Variants in CDH13 observed in about 807,000 individuals in gnomAD.
CDH13 encodes cadherin-13.
Under a neutral mutation model 63.8 loss-of-function variants are expected in CDH13, and 24 were observed. That is an observed-to-expected ratio of 0.38 (90% CI 0.27 to 0.53). CDH13 has a LOEUF of 0.53. Among genes scored for constraint, CDH13 ranks in the 20% least tolerant of loss-of-function variants. The pLI is 0.85. For missense variants in CDH13, 1,049 were observed against 903.1 expected (o/e 1.16, Z -2.07); for synonymous variants, 503 against 355.3 (o/e 1.42, Z -4.67).
intron 5 of CDH13, among the ~76,000 whole-genome samples, chr16:83,270,148 C>A (rs1360714438): frequency 1.3e-5 from 2 of 152,142 alleles, no homozygotes; most frequent in African/African-American, 2.4e-5. Flanking sequence ...TCTTTATACA[C>A]TGTTACACAG....
At chr16:82,857,810 G>A (rs1025489798) in intron 1 of CDH13, among the ~76,000 whole-genome samples, 11 of 152,078 alleles carry the variant, frequency 7.2e-5, no homozygotes, top group African/African-American at 2.4e-4. Context: ...GAAATCCAGT[G>A]TGTATTTTAT....
intron 1 of CDH13, among the ~76,000 whole-genome samples, chr16:82,717,571 C>T (rs1204061310): frequency 1.3e-5 from 2 of 152,072 alleles, no homozygotes; most frequent in East Asian, 3.9e-4. Flanking sequence ...CTTTTAGATC[C>T]TGGTGGTTCC....
intron 2 of CDH13, among the ~76,000 whole-genome samples, chr16:82,897,641 C>A (rs936413289): frequency 2.0e-5 from 3 of 152,250 alleles, no homozygotes; most frequent in Admixed American, 6.5e-5. Flanking sequence ...GCTCTGTCTT[C>A]TGAAGTTGAC....
intron 5 of CDH13, among the ~76,000 whole-genome samples, chr16:83,330,790 T>A (rs1293574083): frequency 1.3e-5 from 2 of 152,170 alleles, no homozygotes; most frequent in Non-Finnish European, 2.9e-5. Flanking sequence ...ACAGGGGACT[T>A]GGTCACATGA....
chr16:82,785,782 G>A (rs956601499), intron 1 of CDH13, among the ~76,000 whole-genome samples: 3 of 152,124 alleles, frequency 2.0e-5, no homozygotes, highest in South Asian at 2.1e-4. Context: ...ATAAAGTCGC[G>A]GTACCGCAAA....
At chr16:82,932,499 G>C (rs2042531773) in intron 2 of CDH13, among the ~76,000 whole-genome samples, 1 of 152,148 alleles carries the variant, frequency 6.6e-6, no homozygotes, top group Non-Finnish European at 1.5e-5. Context: ...ATAGAGGATA[G>C]GTCATTGCTA....
intron 7 of CDH13, among the ~76,000 whole-genome samples, chr16:83,544,734 C>G (rs1308052539): frequency 2.6e-5 from 4 of 152,180 alleles, no homozygotes; most frequent in Non-Finnish European, 5.9e-5. Context: ...GTCAGGGACT[C>G]TCTCTAGCTG....
At chr16:83,383,033 TTTAA>T (rs1357951830) in intron 6 of CDH13, 4 of 152,250 alleles carry the variant, frequency 2.6e-5, no homozygotes, top group Non-Finnish European at 5.9e-5. Flanking sequence ...ACACATTGCA[TTTAA>T]TTGTCACATC....
At chr16:83,403,095 C>T (rs1407756182) in intron 6 of CDH13, among the ~76,000 whole-genome samples, 1 of 152,184 alleles carries the variant, frequency 6.6e-6, no homozygotes, top group African/African-American at 2.4e-5. Context: ...ACCACATACA[C>T]ACACTAGCTC....
chr16:83,535,154 A>G (rs1412427880), intron 7 of CDH13, among the ~76,000 whole-genome samples: 1 of 152,224 alleles, frequency 6.6e-6, no homozygotes, highest in Non-Finnish European at 1.5e-5. Flanking sequence ...GGGAGACCAG[A>G]GCATAAGGGG....
intron 6 of CDH13, among the ~76,000 whole-genome samples, chr16:83,364,883 G>T (rs1202526801): frequency 1.3e-5 from 2 of 152,054 alleles, no homozygotes; most frequent in Non-Finnish European, 2.9e-5. Flanking sequence ...CACAGGGAGG[G>T]GAACATCACA....
chr16:83,632,372 A>G (rs542207733), intron 8 of CDH13, among the ~76,000 whole-genome samples: 2 of 151,912 alleles, frequency 1.3e-5, no homozygotes, highest in African/African-American at 4.8e-5. Context: ...TTTGGGCCTC[A>G]GTGTCCTCAC....
rs1366760641 is a variant in CDH13 at position 83,636,462 on chromosome 16, G to C, written c.1101+33868G>C. ...TCCCTCCCCACTTTTGGAGCCCCCAGTATCTATTGTTGCCATGTTTATGTC... is the reference window on the plus strand; with the variant it reads ...TCCCTCCCCACTTTTGGAGCCCCCACTATCTATTGTTGCCATGTTTATGTC... On this transcript the variant is annotated intron_variant, in intron 8 of 13. Transcript: ENST00000567109. Among the ~76,000 whole-genome samples the C allele has an allele frequency of 2.0e-5, 3 of 152,036 alleles. No individual in the cohort carries two copies. The East Asian group carries it at 5.8e-4, about 29-fold the overall frequency.
In CDH13 at chr16:83,561,741, T is replaced by G. The variant is rs141930169; in HGVS notation, c.961-40713T>G. On this transcript the variant is annotated intron_variant, in intron 7 of 13. Coordinates refer to ENST00000567109, the MANE Select transcript of CDH13 (RefSeq NM_001257.5). ...ATAATGTACCTGAATTTCTTATTGT[T>G]CATGGTATATGCGGAATAAATTGTG... Among the ~76,000 whole-genome samples the G allele has an allele frequency of 3.9e-5, 6 of 152,338 alleles. No homozygotes were observed. The East Asian group carries it at 1.2e-3, about 29-fold the overall frequency.
chr16:83,218,821 T>C (rs1299468330), intron 5 of CDH13, among the ~76,000 whole-genome samples: 4 of 152,258 alleles, frequency 2.6e-5, no homozygotes, highest in South Asian at 2.1e-4. Flanking sequence ...TGGGAGGTAA[T>C]TGAGTCATGG....
At position 83,689,154 on chromosome 16, in the gene CDH13, A is replaced by G. The variant is rs146448289; in HGVS notation, c.1538+10693A>G. On this transcript the variant is annotated intron_variant, in intron 10 of 13. Transcript: ENST00000567109. Reference sequence around the variant, plus strand: ...TTGAAAACATGGTTTCAAATTGGCTATATTTGAATATAATTATCAGGGTCC... The same window carrying G: ...TTGAAAACATGGTTTCAAATTGGCTGTATTTGAATATAATTATCAGGGTCC... Among the ~76,000 whole-genome samples the G allele has an allele frequency of 4.5e-3, 683 of 152,334 alleles. 9 individuals carry two copies. The highest frequency in any genetic ancestry group is 0.016 in the African/African-American group (655 of 41,568).
intron 7 of CDH13, among the ~76,000 whole-genome samples, chr16:83,552,994 A>G (rs4592644): frequency 0.65 from 98,285 of 151,366 alleles, 32,684 homozygotes; most frequent in Non-Finnish European, 0.72. Context: ...CAGGAGAATC[A>G]CTTGAACCCA....
intron 1 of CDH13, among the ~76,000 whole-genome samples, chr16:82,799,009 C>G (rs1212484000): frequency 1.3e-5 from 2 of 152,176 alleles, no homozygotes; most frequent in African/African-American, 2.4e-5. Context: ...GGCAGTCTAT[C>G]ACCAGAGTCC....
At chr16:83,621,713 T>A (rs1333917477) in intron 8 of CDH13, among the ~76,000 whole-genome samples, 1 of 151,656 alleles carries the variant, frequency 6.6e-6, no homozygotes, top group Non-Finnish European at 1.5e-5. Flanking sequence ...TCTGGAGCTC[T>A]TAACCTGAAG....
Sources: gnomAD v4.1 joint callset for allele counts (sites outside exome capture counted in the v4.1 genomes callset) on GRCh38, gnomAD v4.1.1 for gene constraint, MANE v1.5 for transcripts, NCBI Gene and HGNC (gene_info 2026-07-23, HGNC 2026-07-21) for gene names.